FGF14: variants seen among roughly 807,000 people sequenced by gnomAD.
FGF14 encodes the protein fibroblast growth factor homologous factor 4.
FGF14 carries 5 observed loss-of-function variants against 25.5 expected under a neutral mutation model. That is an observed-to-expected ratio of 0.20 (90% CI 0.10 to 0.41). The LOEUF (loss-of-function observed/expected upper bound fraction) is 0.41, where lower values mean the gene tolerates loss of function less well. Among genes scored for constraint, FGF14 ranks in the 10% least tolerant of loss-of-function variants. The pLI is 1.00. For missense variants in FGF14, 222 were observed against 320.1 expected (o/e 0.69, Z 2.34); for synonymous variants, 138 against 118.3 (o/e 1.17, Z -1.08).
At chr13:101,790,752 T>C (rs1566906311) in intron 3 of FGF14, among the ~76,000 whole-genome samples, 1 of 152,148 alleles carries the variant, frequency 6.6e-6, no homozygotes, top group African/African-American at 2.4e-5. Flanking sequence ...TGTTGGAGAA[T>C]GAGTATTTTA....
At chr13:101,884,517 T>G (rs963375846) in intron 1 of FGF14, among the ~76,000 whole-genome samples, 1 of 152,078 alleles carries the variant, frequency 6.6e-6, no homozygotes, top group African/African-American at 2.4e-5. Context: ...ACTGCTAGAT[T>G]CCAGGTGCCT....
chr13:102,003,526 AGGGAC>A (rs2039615233), intron 1 of FGF14, among the ~76,000 whole-genome samples: 5 of 152,200 alleles, frequency 3.3e-5, no homozygotes, highest in African/African-American at 1.2e-4. Flanking sequence ...TGCTAAGCTG[AGGGAC>A]CATAGGCCAC....
chr13:102,337,295 T>C (rs1802965530), intron 1 of FGF14, among the ~76,000 whole-genome samples: 1 of 152,144 alleles, frequency 6.6e-6, no homozygotes, highest in Admixed American at 6.6e-5. Flanking sequence ...TATGGATGAC[T>C]TTGAGGGGTT....
intron 3 of FGF14, among the ~76,000 whole-genome samples, chr13:101,801,132 T>C (rs980056090): frequency 8.5e-5 from 13 of 152,198 alleles, no homozygotes; most frequent in African/African-American, 2.4e-4. Flanking sequence ...TCTGCTGTTA[T>C]TGATGCTAAA....
upstream of FGF14, among the ~76,000 whole-genome samples, chr13:101,919,285 C>A (rs369482560): frequency 6.6e-6 from 1 of 151,572 alleles, no homozygotes; most frequent in Admixed American, 6.6e-5. Context: ...AAGATTAAAG[C>A]ATCCAGGTTT....
chr13:101,894,035 T>C (rs1030450387), intron 1 of FGF14, among the ~76,000 whole-genome samples: 1 of 149,326 alleles, frequency 6.7e-6, no homozygotes, highest in East Asian at 2.0e-4. Flanking sequence ...TTTTTTTTTT[T>C]CACACTTTTT....
At chr13:101,922,421 T>C (rs774380675) in intron 1 of FGF14, among the ~76,000 whole-genome samples, 7 of 152,198 alleles carry the variant, frequency 4.6e-5, no homozygotes, top group Admixed American at 2.6e-4. Flanking sequence ...GATGTGAGAC[T>C]GTTTCCATTT....
At chr13:101,800,635 C>T (rs1306736688) in intron 3 of FGF14, among the ~76,000 whole-genome samples, 1 of 152,094 alleles carries the variant, frequency 6.6e-6, no homozygotes, top group East Asian at 1.9e-4. Context: ...TCAACAATTC[C>T]TATGTTCTGT....
At position 101,721,978 on chromosome 13, in the gene FGF14, G is replaced by A. The variant is rs1481528542; in HGVS notation, c.*853C>T. The A allele has an allele frequency of 6.6e-6, 1 of 151,742 alleles. No homozygotes were observed. The highest frequency in any genetic ancestry group is 1.5e-5 in the Non-Finnish European group (1 of 67,956). The allele number at this position is 151,742 out of a possible 1,614,324, so 9.4% of individuals were successfully genotyped here. On this transcript the variant is annotated 3_prime_UTR_variant, in exon 5 of 5. Coordinates refer to ENST00000376143, the MANE Select transcript of FGF14 (RefSeq NM_004115.4). ...CAAAAACCAGTGGGTCTTGCTCGCT[G>A]GGCAAGGCAAATGTTACCATTACCA...
intron 1 of FGF14, among the ~76,000 whole-genome samples, chr13:101,975,618 C>A (rs575797726): frequency 1.1e-4 from 16 of 151,886 alleles, no homozygotes; most frequent in African/African-American, 3.9e-4. Context: ...TGAGTTACAT[C>A]AAAAATATTT....
chr13:102,086,391 G>A lies in FGF14; in HGVS notation c.209-211095C>T, dbSNP rs527744083. ...TAAAAATACAAAATATTAGCCGGGC[G>A]TGGTGGCGGGCGCATGTAGTCCCAG... On this transcript the variant is annotated intron_variant, in intron 1 of 4. Transcript: ENST00000376131. 2.5e-3 allele frequency among the ~76,000 whole-genome samples: 380 copies of A among 152,078 alleles called. 1 individual carries two copies. Among genetic ancestry groups the A allele is most frequent in the Non-Finnish European group, 4.6e-3 (314 of 67,946 alleles).
chr13:101,841,750 T>C (rs1197601914), intron 3 of FGF14, among the ~76,000 whole-genome samples: 1 of 151,936 alleles, frequency 6.6e-6, no homozygotes, highest in Non-Finnish European at 1.5e-5. Flanking sequence ...AACTGTCTTG[T>C]TGTCAGTGTT....
intron 1 of FGF14, among the ~76,000 whole-genome samples, chr13:101,914,829 G>A (rs1391341649): frequency 6.6e-6 from 1 of 151,972 alleles, no homozygotes; most frequent in African/African-American, 2.4e-5. Context: ...ATTTGGAGCT[G>A]TATGTGGTGA....
intron 3 of FGF14, among the ~76,000 whole-genome samples, chr13:101,812,638 TATATA>T (rs2041609629): frequency 1.4e-4 from 2 of 13,820 alleles, no homozygotes; most frequent in Non-Finnish European, 3.6e-4. Context: ...TATATATATA[TATATA>T]TATATATATA....
chr13:102,214,535 T>A (rs1164763198), intron 1 of FGF14, among the ~76,000 whole-genome samples: 1 of 152,194 alleles, frequency 6.6e-6, no homozygotes, highest in Non-Finnish European at 1.5e-5. Context: ...AAAATACTCA[T>A]TAAGTGTGTT....
At chr13:102,037,485 T>A (rs1475490305) in intron 1 of FGF14, among the ~76,000 whole-genome samples, 2 of 152,104 alleles carry the variant, frequency 1.3e-5, no homozygotes, top group African/African-American at 4.8e-5. Flanking sequence ...GCCCTAATTA[T>A]AATGAGCTGC....
At chr13:101,724,245 C>G (rs1391907229) in intron 4 of FGF14, among the ~76,000 whole-genome samples, 2 of 151,916 alleles carry the variant, frequency 1.3e-5, no homozygotes, top group African/African-American at 4.8e-5. Flanking sequence ...AAATGTGGCA[C>G]ATATACACCA....
intron 1 of FGF14, among the ~76,000 whole-genome samples, chr13:102,370,010 G>C (rs1316417958): frequency 7.0e-6 from 1 of 143,776 alleles, no homozygotes; most frequent in Non-Finnish European, 1.5e-5. Flanking sequence ...TTTTTTTTTT[G>C]AGACAAGGTC....
At chr13:101,965,675 G>T (rs1594850678) in intron 1 of FGF14, among the ~76,000 whole-genome samples, 1 of 143,630 alleles carries the variant, frequency 7.0e-6, no homozygotes, top group African/African-American at 2.5e-5. Flanking sequence ...TTTTGTGTTA[G>T]TTTTTTTTTT....
Sources: gnomAD v4.1 joint callset for allele counts (sites outside exome capture counted in the v4.1 genomes callset) on GRCh38, gnomAD v4.1.1 for gene constraint, MANE v1.5 for transcripts, NCBI Gene and HGNC (gene_info 2026-07-23, HGNC 2026-07-21) for gene names.